BMP6: variants seen among roughly 807,000 people sequenced by gnomAD.
The protein encoded by BMP6 is VG-1-R.
BMP6 carries 17 observed loss-of-function variants against 54.1 expected under a neutral mutation model. The observed-to-expected ratio is 0.31, with a 90% confidence interval of 0.22 to 0.47. The LOEUF (loss-of-function observed/expected upper bound fraction) is 0.47, where lower values mean the gene tolerates loss of function less well. Among genes scored for constraint, BMP6 ranks in the 20% least tolerant of loss-of-function variants. The pLI is 1.00. For synonymous variants in BMP6, 328 were observed against 291.2 expected (o/e 1.13, Z -1.28); for missense variants, 720 against 690.4 (o/e 1.04, Z -0.48).
chr6:7,780,970 CA>C (rs749491027), intron 1 of BMP6, among the ~76,000 whole-genome samples: 1 of 152,190 alleles, frequency 6.6e-6, no homozygotes, highest in Non-Finnish European at 1.5e-5. Flanking sequence ...CTTGGCCTCC[CA>C]AAGTGCTGGG....
intron 2 of BMP6, among the ~76,000 whole-genome samples, chr6:7,848,713 T>C (rs1185318920): frequency 6.6e-6 from 1 of 152,232 alleles, no homozygotes; most frequent in Non-Finnish European, 1.5e-5. Flanking sequence ...GCTGCAACAA[T>C]AGTCTGCATC....
intron 2 of BMP6, among the ~76,000 whole-genome samples, chr6:7,856,795 A>G (rs1387628111): frequency 6.6e-6 from 1 of 150,494 alleles, no homozygotes; most frequent in Non-Finnish European, 1.5e-5. Flanking sequence ...ATGGGGTTTC[A>G]CCGTTTTAGC....
At position 7,726,637 on chromosome 6, in the gene BMP6, G is replaced by T. The variant is rs539293190; in HGVS notation, c.-319G>T. On this transcript the variant is annotated 5_prime_UTR_variant, in exon 1 of 7. In the 5' UTR this introduces an upstream ATG that the reference lacks. Transcript: ENST00000283147. ...CGCGACTCGCAGGAGCCAGGGCGCA[G>T]GCTGCAGTGCAGCCCGGACTCAGAC... Among the ~76,000 whole-genome samples, 104 of 152,288 alleles carry T rather than the reference G, an allele frequency of 6.8e-4. No individual in the cohort carries two copies. Among genetic ancestry groups the T allele is most frequent in the African/African-American group, 2.4e-3 (101 of 41,586 alleles).
intron 4 of BMP6, among the ~76,000 whole-genome samples, chr6:7,877,952 GC>G (rs1452180015): frequency 2.2e-4 from 33 of 152,200 alleles, no homozygotes; most frequent in Admixed American, 2.1e-3. Flanking sequence ...TCAGAACCCT[GC>G]AAAGGCTCAC....
chr6:7,812,743 TGAGA>T (rs1758453200), intron 1 of BMP6, among the ~76,000 whole-genome samples: 1 of 151,912 alleles, frequency 6.6e-6, no homozygotes, highest in Admixed American at 6.6e-5. Context: ...AAAAAGAAAC[TGAGA>T]AAGAACTATA....
intron 1 of BMP6, among the ~76,000 whole-genome samples, chr6:7,827,189 G>A (rs1561784267): frequency 2.6e-5 from 4 of 152,302 alleles, no homozygotes; most frequent in East Asian, 1.9e-4. Context: ...GGAGCCACCC[G>A]CCATGTAGCC....
At chr6:7,843,936 G>A (rs955424785) in intron 1 of BMP6, among the ~76,000 whole-genome samples, 26 of 152,130 alleles carry the variant, frequency 1.7e-4, no homozygotes, top group Non-Finnish European at 2.1e-4. Context: ...TATTTAAGGG[G>A]TACAACGTGA....
intron 1 of BMP6, among the ~76,000 whole-genome samples, chr6:7,753,189 CA>C (rs1384952890): frequency 1.3e-5 from 2 of 152,182 alleles, no homozygotes; most frequent in African/African-American, 4.8e-5. Context: ...CTTAATTGAT[CA>C]AATGGTCACT....
chr6:7,788,549 G>A (rs1758050286), intron 1 of BMP6, among the ~76,000 whole-genome samples: 1 of 152,164 alleles, frequency 6.6e-6, no homozygotes, highest in African/African-American at 2.4e-5. Context: ...TAGTTTTAAA[G>A]GGTGTAATAT....
At chr6:7,828,975 C>T (rs543359742) in intron 1 of BMP6, among the ~76,000 whole-genome samples, 3 of 152,212 alleles carry the variant, frequency 2.0e-5, no homozygotes, top group East Asian at 3.9e-4. Context: ...GGTGCTGTGC[C>T]GCGAATAATA....
At chr6:7,741,893 T>A (rs999636784) in intron 1 of BMP6, among the ~76,000 whole-genome samples, 1 of 152,220 alleles carries the variant, frequency 6.6e-6, no homozygotes, top group Non-Finnish European at 1.5e-5. Context: ...TCCTATCCTA[T>A]TAAAATGTTT....
intron 4 of BMP6, among the ~76,000 whole-genome samples, chr6:7,867,326 T>C (rs373803164): frequency 1.3e-5 from 2 of 152,330 alleles, no homozygotes; most frequent in East Asian, 3.9e-4. Flanking sequence ...AGCTTCCCGG[T>C]TGGGACTATT....
intron 1 of BMP6, among the ~76,000 whole-genome samples, chr6:7,822,529 C>T (rs1477788175): frequency 6.6e-6 from 1 of 152,182 alleles, no homozygotes; most frequent in Non-Finnish European, 1.5e-5. Context: ...GGTGCCACCT[C>T]ACTGCTCTAT....
In BMP6 at chr6:7,861,453, ACT is replaced by A; in HGVS notation, c.863_864del (p.Ser288Ter). 1 of 1,613,478 alleles carries A rather than the reference ACT, an allele frequency of 6.2e-7. No individual in the cohort carries two copies. Among genetic ancestry groups the A allele is most frequent in the African/African-American group, 1.3e-5 (1 of 74,860 alleles). On this transcript the variant is annotated frameshift_variant, in exon 3 of 7. Transcript: ENST00000283147. LOFTEE classifies it high-confidence loss of function. ...AGGCCATTTTTTCTTTCTTTCAGAG[ACT>A]CTGACCTGTTTTTGTTGGACACCCG...
chr6:7,831,086 T>C (rs1758786451), intron 1 of BMP6, among the ~76,000 whole-genome samples: 1 of 152,194 alleles, frequency 6.6e-6, no homozygotes, highest in African/African-American at 2.4e-5. Flanking sequence ...AAACAAAATG[T>C]GGCATGTATC....
intron 1 of BMP6, among the ~76,000 whole-genome samples, chr6:7,795,633 A>G (rs1758180348): frequency 6.6e-6 from 1 of 152,206 alleles, no homozygotes; most frequent in South Asian, 2.1e-4. Flanking sequence ...CTGGGTGGCA[A>G]CGAAGAGAGT....
At chr6:7,862,604 C>A in intron 4 of BMP6, 106 bp downstream of exon 4, 1 of 1,423,680 alleles carries the variant, frequency 7.0e-7, no homozygotes, top group Non-Finnish European at 9.6e-7. Flanking sequence ...CACAGCAAAT[C>A]CAAAGGCAAA....
chr6:7,756,681 C>T (rs188689589), intron 1 of BMP6, among the ~76,000 whole-genome samples: 5 of 152,290 alleles, frequency 3.3e-5, no homozygotes, highest in East Asian at 1.9e-4. Context: ...TTCTGTGCAA[C>T]GAAGTAACTT....
chr6:7,784,954 G>A lies in BMP6; in HGVS notation c.664+57335G>A, dbSNP rs571853125. Among the ~76,000 whole-genome samples, 136 of 152,302 alleles carry A rather than the reference G, an allele frequency of 8.9e-4. 1 individual carries two copies. Among genetic ancestry groups the A allele is most frequent in the African/African-American group, 2.9e-3 (119 of 41,558 alleles). ...AGGTGTACTTTTCACTCCAGGAAGGGGAAGCCCCTAGAACTTTTCCCATTT... is the reference window on the plus strand; with the variant it reads ...AGGTGTACTTTTCACTCCAGGAAGGAGAAGCCCCTAGAACTTTTCCCATTT... On this transcript the variant is annotated intron_variant, in intron 1 of 6. Coordinates refer to ENST00000283147, the MANE Select transcript of BMP6 (RefSeq NM_001718.6).
Sources: gnomAD v4.1 joint callset for allele counts (sites outside exome capture counted in the v4.1 genomes callset) on GRCh38, gnomAD v4.1.1 for gene constraint, MANE v1.5 for transcripts, NCBI Gene and HGNC (gene_info 2026-07-23, HGNC 2026-07-21) for gene names.